CNTNAP3B: variants seen among roughly 807,000 people sequenced by gnomAD.
CNTNAP3B encodes contactin associated protein family member 3B.
A neutral mutation model predicts 108.9 loss-of-function variants in CNTNAP3B; 25 were observed. The observed-to-expected ratio is 0.23, with a 90% CI of 0.17 to 0.32. The LOEUF (loss-of-function observed/expected upper bound fraction) is 0.32. Ranked by LOEUF, CNTNAP3B falls within the 10% of genes least tolerant of loss-of-function variation. CNTNAP3B has a pLI of 1.00. For missense variants in CNTNAP3B, 252 were observed against 1,210.4 expected (o/e 0.21, Z 11.75); for synonymous variants, 103 against 473.4 (o/e 0.22, Z 10.16).
At chr9:42,127,199 G>T (rs1300648568) in intron 1 of CNTNAP3B, among the ~76,000 whole-genome samples, 1 of 138,448 alleles carries the variant, frequency 7.2e-6, no homozygotes, top group Non-Finnish European at 1.5e-5. Context: ...AATTTTACGT[G>T]TCACTCAGCA....
chr9:41,968,114 G>A (rs1306375267), intron 10 of CNTNAP3B, among the ~76,000 whole-genome samples: 1 of 152,290 alleles, frequency 6.6e-6, no homozygotes, highest in East Asian at 1.9e-4. Context: ...AGGCAAAATG[G>A]ATCATCTCTG....
rs187048592 is a variant in CNTNAP3B, at chr9:42,125,580, T to G, written c.85+3430A>C. ...ATCAAACCAATGTCTTGGAATTGAT[T>G]ATCATTTCCATGGGCTACTTCAGCT... On this transcript the variant is annotated intron_variant, in intron 1 of 23. Transcript: ENST00000377561. Among the ~76,000 whole-genome samples the G allele has an allele frequency of 2.4e-3, 335 of 140,158 alleles. 43 individuals carry two copies. Among genetic ancestry groups the G allele is most frequent in the Non-Finnish European group, 3.5e-3 (228 of 65,048 alleles). The allele number at this position is 140,158 out of a possible 152,430, so 91.9% of individuals were successfully genotyped here. A position where few individuals can be genotyped will look rare whatever the true frequency, so the allele number is the denominator to read the frequency against.
At chr9:41,928,974 G>T in intron 15 of CNTNAP3B, among the ~76,000 whole-genome samples, 1 of 147,680 alleles carries the variant, frequency 6.8e-6, no homozygotes, top group Middle Eastern at 3.4e-3. Context: ...CACTATAGTT[G>T]TCTGAAGAGT....
intron 7 of CNTNAP3B, 140 bp from the exon 8 acceptor site, chr9:41,992,011 T>C: frequency 1.2e-6 from 1 of 859,456 alleles, no homozygotes; most frequent in Non-Finnish European, 1.7e-6. Context: ...ATCTATGACA[T>C]TTATCTTCTC....
At chr9:41,926,597 G>C (rs1257103717) in intron 15 of CNTNAP3B, 5 of 152,308 alleles carry the variant, frequency 3.3e-5, no homozygotes, top group Non-Finnish European at 7.3e-5. Flanking sequence ...TAGTTGCTGG[G>C]ACTACAGGCC....
intron 1 of CNTNAP3B, among the ~76,000 whole-genome samples, chr9:42,112,646 C>A (rs1260109830): frequency 1.5e-5 from 2 of 136,980 alleles, no homozygotes; most frequent in Non-Finnish European, 3.1e-5. Flanking sequence ...AGGGGTTACA[C>A]GTTGTCTCTC....
intron 11 of CNTNAP3B, among the ~76,000 whole-genome samples, chr9:41,964,240 A>G (rs1449772305): frequency 3.1e-4 from 47 of 152,008 alleles, no homozygotes; most frequent in African/African-American, 1.0e-3. Flanking sequence ...TGTTAACATC[A>G]TGCATTTTTA....
chr9:41,944,413 G>A lies in CNTNAP3B; in HGVS notation c.2081-6013C>T, dbSNP rs1452720399. Among the ~76,000 whole-genome samples, 160 of 151,668 alleles carry A rather than the reference G, an allele frequency of 1.1e-3. 1 individual carries two copies. The highest frequency in any genetic ancestry group is 3.7e-3 in the African/African-American group (153 of 41,340). On this transcript the variant is annotated intron_variant, in intron 13 of 23. Coordinates refer to ENST00000377561, the MANE Select transcript of CNTNAP3B (RefSeq NM_001201380.3). ...TAATGTAATACAAAATAAGACAGAA[G>A]GATTGGAAATGCTGTGTTATAAAGT... is the stretch of plus-strand genomic sequence containing the variant.
At chr9:41,965,163 A>G (rs1410424553) in intron 10 of CNTNAP3B, among the ~76,000 whole-genome samples, 1 of 152,294 alleles carries the variant, frequency 6.6e-6, no homozygotes, top group African/African-American at 2.4e-5. Context: ...TTTTTAAGCA[A>G]TCTTAACACT....
intron 14 of CNTNAP3B, among the ~76,000 whole-genome samples, chr9:41,933,717 C>T (rs1036478946): frequency 6.6e-6 from 1 of 152,244 alleles, no homozygotes; most frequent in African/African-American, 2.4e-5. Context: ...ACAATATCTG[C>T]CAGGTTTGTT....
At chr9:41,954,311 C>G (rs1824790474) in intron 12 of CNTNAP3B, among the ~76,000 whole-genome samples, 1 of 152,258 alleles carries the variant, frequency 6.6e-6, no homozygotes, top group African/African-American at 2.4e-5. Flanking sequence ...CAGCCCTTCA[C>G]ATCTCAGGAT....
intron 10 of CNTNAP3B, among the ~76,000 whole-genome samples, chr9:41,966,473 G>A (rs1375935114): frequency 5.3e-5 from 8 of 152,280 alleles, no homozygotes. Flanking sequence ...GACCAACAGA[G>A]GGGAAGATGG....
At chr9:41,921,383 G>C (rs1259796162) in intron 17 of CNTNAP3B, among the ~76,000 whole-genome samples, 1 of 151,992 alleles carries the variant, frequency 6.6e-6, no homozygotes, top group Non-Finnish European at 1.5e-5. Context: ...CTGAAGCTAG[G>C]TTTTAGGAAG....
intron 10 of CNTNAP3B, among the ~76,000 whole-genome samples, chr9:41,964,879 CT>C (rs1331545564): frequency 3.3e-5 from 5 of 152,258 alleles, no homozygotes; most frequent in East Asian, 3.8e-4. Flanking sequence ...CAACACATTT[CT>C]TTTTTTCTTT....
intron 3 of CNTNAP3B, among the ~76,000 whole-genome samples, chr9:42,071,865 T>C (rs1403610004): frequency 2.7e-5 from 4 of 150,456 alleles, no homozygotes; most frequent in African/African-American, 7.4e-5. Flanking sequence ...AAGCCAACAA[T>C]TGGTAAATGC....
At chr9:41,934,929 A>T (rs1382856615) in intron 14 of CNTNAP3B, among the ~76,000 whole-genome samples, 16,112 of 146,650 alleles carry the variant, frequency 0.11, 78 homozygotes, top group East Asian at 0.22. Context: ...ATCACACAAA[A>T]GTCCTATTTA....
rs1446899175 is a variant in CNTNAP3B at position 41,925,331 on chromosome 9, C to T, written c.2366-1238G>A. Among the ~76,000 whole-genome samples, 14 of 152,266 alleles carry T rather than the reference C, an allele frequency of 9.2e-5. No individual in the cohort carries two copies. In the East Asian group the frequency reaches 1.7e-3, roughly 19 times the overall value. On this transcript the variant is annotated intron_variant, in intron 15 of 23. Transcript: ENST00000377561. ...TTTCTCGGCTAGGCGCAGTGGCTCA[C>T]GCCTGTAATCCCAGCAGTTTGGGAG...
chr9:41,939,554 G>A (rs1338565017), intron 13 of CNTNAP3B, among the ~76,000 whole-genome samples: 1 of 152,280 alleles, frequency 6.6e-6, no homozygotes, highest in Non-Finnish European at 1.5e-5. Flanking sequence ...AGAGGGATTA[G>A]TACCAGGAAT....
chr9:41,983,196 A>G (rs545406716), intron 9 of CNTNAP3B: 2 of 138,222 alleles, frequency 1.4e-5, no homozygotes, highest in South Asian at 4.7e-4. Flanking sequence ...ACCTAAAATA[A>G]GTTTAAAAAA....
Sources: gnomAD v4.1 joint callset for allele counts (sites outside exome capture counted in the v4.1 genomes callset) on GRCh38, gnomAD v4.1.1 for gene constraint, MANE v1.5 for transcripts, NCBI Gene and HGNC (gene_info 2026-07-23, HGNC 2026-07-21) for gene names.